COL6A5: variants seen among roughly 807,000 people sequenced by gnomAD.
COL6A5 encodes collagen type VI alpha 5 chain.
COL6A5 carries 48 observed loss-of-function variants against 65.6 expected under a neutral mutation model. That is an observed-to-expected ratio of 0.73 (90% CI 0.58 to 0.93). The LOEUF (loss-of-function observed/expected upper bound fraction) is 0.93, where lower values mean the gene tolerates loss of function less well. Among genes scored for constraint, COL6A5 ranks in the 40% least tolerant of loss-of-function variants. The pLI, the probability that COL6A5 is intolerant of heterozygous loss-of-function variation, is 0.00. For missense variants in COL6A5, 914 were observed against 928.3 expected (o/e 0.98, Z 0.20); for synonymous variants, 291 against 322.8 (o/e 0.90, Z 1.05).
At chr3:130,414,717 T>A (rs1034139426) in intron 22 of COL6A5, among the ~76,000 whole-genome samples, 1 of 152,078 alleles carries the variant, frequency 6.6e-6, no homozygotes, top group Non-Finnish European at 1.5e-5. Flanking sequence ...AGCACATGGT[T>A]GTTTAGTCAT....
At chr3:130,484,537 C>G (rs1459363097) in exon 8 of COL6A5, 6 of 398,904 alleles carry the variant, frequency 1.5e-5, no homozygotes, top group Non-Finnish European at 2.7e-5. Context: ...TTTCATCTAG[C>G]AGTGATTGTC....
At chr3:130,357,357 G>T (rs78242499) in intron 1 of COL6A5, among the ~76,000 whole-genome samples, 2,471 of 152,198 alleles carry the variant, frequency 0.016, 74 homozygotes, top group African/African-American at 0.055. Flanking sequence ...TGGCCTTGTC[G>T]GTATATGGGT....
At chr3:130,401,361 C>T (rs1185890094) in intron 11 of COL6A5, among the ~76,000 whole-genome samples, 188 bp downstream of exon 11, 1 of 152,158 alleles carries the variant, frequency 6.6e-6, no homozygotes, top group East Asian at 1.9e-4. Flanking sequence ...CATTCTTTGT[C>T]ATCTCACTAA....
intron 5 of COL6A5, among the ~76,000 whole-genome samples, chr3:130,463,060 A>G (rs182898033): frequency 6.6e-6 from 1 of 152,238 alleles, no homozygotes; most frequent in East Asian, 1.9e-4. Flanking sequence ...TAGTGCTTCA[A>G]GGAAGATTAA....
At chr3:130,414,239 C>G (rs1937272434) in intron 22 of COL6A5, 108 bp downstream of exon 22, 2 of 878,560 alleles carry the variant, frequency 2.3e-6, no homozygotes, top group Non-Finnish European at 1.8e-6. Flanking sequence ...CTGCCCCCTG[C>G]CCTATTTTGC....
chr3:130,378,181 A>G (rs1325251652), intron 3 of COL6A5, among the ~76,000 whole-genome samples: 2 of 152,042 alleles, frequency 1.3e-5, no homozygotes, highest in South Asian at 2.1e-4. Flanking sequence ...CTTACCTGGC[A>G]TCTCCTCTTC....
chr3:130,428,741 G>C (rs561050462), upstream of COL6A5, among the ~76,000 whole-genome samples: 1 of 152,326 alleles, frequency 6.6e-6, no homozygotes, highest in South Asian at 2.1e-4. Flanking sequence ...TATGTGTGCT[G>C]TCTGATGGCA....
At chr3:130,473,665 C>A (rs1710015330) in intron 7 of COL6A5, among the ~76,000 whole-genome samples, 1 of 152,010 alleles carries the variant, frequency 6.6e-6, no homozygotes, top group African/African-American at 2.4e-5. Flanking sequence ...GTATGCCACC[C>A]AGAAGGAATG....
exon 10 of COL6A5, chr3:130,398,057 C>T: frequency 2.6e-6 from 4 of 1,550,936 alleles, no homozygotes; most frequent in Non-Finnish European, 3.5e-6. Context: ...AGACGGTCTC[C>T]AGAGTGAAAG....
chr3:130,484,779 G>A (rs1710332118), exon 8 of COL6A5: 1 of 398,760 alleles, frequency 2.5e-6, no homozygotes, highest in African/African-American at 2.1e-5. Flanking sequence ...TATATGACCA[G>A]AGATGTTCTT....
chr3:130,368,270 C>A (rs982248032), intron 1 of COL6A5, among the ~76,000 whole-genome samples: 1 of 152,182 alleles, frequency 6.6e-6, no homozygotes, highest in South Asian at 2.1e-4. Context: ...CTTTATCAGT[C>A]GCAGGATATT....
In COL6A5 at chr3:130,373,535, C is replaced by T. The variant is rs1199288686; in HGVS notation, c.-28-76C>T. 4 of 687,274 alleles carry T rather than the reference C, an allele frequency of 5.8e-6. No individual in the cohort carries two copies. The Admixed American group carries it at 7.8e-5, about 13-fold the overall frequency. 42.6% of individuals were successfully genotyped at this position (687,274 alleles called of 1,614,324 possible). ...AATACTTGTTTACAGGTACCATGCC[C>T]TAATACAACTATCCTGACAGTTACT... On this transcript the variant is annotated intron_variant and NMD_transcript_variant, in intron 1 of 41. Transcript: ENST00000312481.
In COL6A5 at chr3:130,421,136, C is replaced by A. The variant is rs1453852848; in HGVS notation, c.4951-17C>A. ...TCCACCTTTGAGAAATTGAAAAAAA[C>A]TGGTGTGTTTACACAGGGAGATTCT... On this transcript the variant is annotated splice_polypyrimidine_tract_variant and intron_variant and NMD_transcript_variant, in intron 25 of 41. Coordinates refer to the COL6A5 transcript ENST00000312481. 6.5e-7 allele frequency: 1 copy of A among 1,549,294 alleles called. No homozygotes were observed.
intron 1 of COL6A5, among the ~76,000 whole-genome samples, chr3:130,368,198 G>A (rs1935412793): frequency 1.3e-5 from 2 of 152,182 alleles, no homozygotes; most frequent in Admixed American, 6.5e-5. Context: ...CCAATATGGT[G>A]TTCAGCTGTG....
intron 10 of COL6A5, among the ~76,000 whole-genome samples, chr3:130,399,251 A>G (rs1936722284): frequency 1.3e-5 from 2 of 152,142 alleles, no homozygotes; most frequent in Admixed American, 1.3e-4. Flanking sequence ...CTTTCTCTGC[A>G]CAGTTCCCTT....
chr3:130,391,459 C>A, exon 7 of COL6A5: 7 of 1,551,694 alleles, frequency 4.5e-6, no homozygotes, highest in Non-Finnish European at 5.2e-6. Flanking sequence ...CTCTCAAGCA[C>A]GCAAATGCCC....
At chr3:130,388,023 G>GA (rs1936260055) in intron 5 of COL6A5, among the ~76,000 whole-genome samples, 1 of 151,828 alleles carries the variant, frequency 6.6e-6, no homozygotes, top group African/African-American at 2.4e-5. Context: ...AGTCCATGTT[G>GA]AATGAGTATA....
chr3:130,453,469 T>C (rs1709495749), intron 4 of COL6A5, among the ~76,000 whole-genome samples: 1 of 152,156 alleles, frequency 6.6e-6, no homozygotes, highest in South Asian at 2.1e-4. Context: ...GAGGCACTTA[T>C]TACGGCCTAC....
chr3:130,355,648 C>A (rs760101506), intron 1 of COL6A5, among the ~76,000 whole-genome samples: 1 of 151,432 alleles, frequency 6.6e-6, no homozygotes, highest in Non-Finnish European at 1.5e-5. Context: ...TACCCACACA[C>A]ATAAAGTTAA....
Sources: allele counts gnomAD v4.1 joint callset (sites outside exome capture counted in the v4.1 genomes callset), GRCh38; gene constraint gnomAD v4.1.1; transcripts MANE v1.5; gene names NCBI Gene and HGNC (gene_info 2026-07-23, HGNC 2026-07-21).